SMARCC1: variants seen among roughly 807,000 people sequenced by gnomAD.
SMARCC1 encodes the protein SWI/SNF complex subunit SMARCC1.
Under a neutral mutation model 147.4 loss-of-function variants are expected in SMARCC1, and 43 were observed. The observed-to-expected ratio is 0.29, with a 90% CI of 0.23 to 0.38. The LOEUF (loss-of-function observed/expected upper bound fraction) is 0.38. Ranked by LOEUF, SMARCC1 falls within the 10% of genes least tolerant of loss-of-function variation. The pLI is 1.00. For missense variants in SMARCC1, 1,119 were observed against 1,381.1 expected, an observed-to-expected ratio of 0.81 and a Z score of 3.01; for synonymous variants, 495 against 484.4, an observed-to-expected ratio of 1.02 and a Z score of -0.29.
In SMARCC1 at chr3:47,735,753, A is replaced by T. The variant is rs1469565826; in HGVS notation, c.576+281T>A. ...TGGGCGACAGCGCGAGACTCTCTCA[A>T]CCACAACAACAAAAAAACTGGAAGA... is the stretch of plus-strand genomic sequence containing the variant. On this transcript the variant is annotated intron_variant, in intron 5 of 27. Coordinates refer to ENST00000254480, the MANE Select transcript of SMARCC1 (RefSeq NM_003074.4). Among the ~76,000 whole-genome samples, 3 of 152,052 alleles carry T rather than the reference A, an allele frequency of 2.0e-5. No homozygotes were observed. The South Asian group carries it at 6.2e-4, about 32-fold the overall frequency.
intron 5 of SMARCC1, among the ~76,000 whole-genome samples, chr3:47,732,608 G>A (rs1460309241): frequency 2.0e-5 from 3 of 152,054 alleles, no homozygotes; most frequent in Non-Finnish European, 4.4e-5. Context: ...GTTATTAATT[G>A]GCTTAATTTT....
In SMARCC1 at chr3:47,680,427, C is replaced by T. The variant is rs372919803; in HGVS notation, c.1457+10G>A. ...GCAAATAAACAAGTTTTCTAAAACA[C>T]TGGCCTCACATTTCTGGAGTCTTGG... On this transcript the variant is annotated intron_variant, in intron 15 of 27. Coordinates refer to ENST00000254480, the MANE Select transcript of SMARCC1 (RefSeq NM_003074.4). The T allele has an allele frequency of 2.7e-5, 43 of 1,601,042 alleles. No homozygotes were observed. The highest frequency in any genetic ancestry group is 3.5e-5 in the Non-Finnish European group (41 of 1,170,020).
chr3:47,725,959 G>A (rs557572599), intron 6 of SMARCC1, among the ~76,000 whole-genome samples: 1 of 150,342 alleles, frequency 6.7e-6, no homozygotes, highest in Admixed American at 6.7e-5. Flanking sequence ...CTACTCAGGA[G>A]GCTGAGGCAG....
chr3:47,604,606 G>GA lies in SMARCC1; in HGVS notation c.3043+5459dup, dbSNP rs757134485. 8 of 264,720 alleles carry GA rather than the reference G, an allele frequency of 3.0e-5. 1 individual carries two copies. The Admixed American group carries it at 3.5e-4, about 12-fold the overall frequency. 16.4% of individuals were successfully genotyped at this position (264,720 alleles called of 1,614,324 possible). The stretch of plus-strand genomic sequence containing the variant: ...CCTGGTTTGAAAGTCCTTTTTAGCT[G>GA]ACCTTTAGAATATGGTCTATCAGAC... On this transcript the variant is annotated intron_variant, in intron 26 of 27. Coordinates refer to ENST00000254480, the MANE Select transcript of SMARCC1 (RefSeq NM_003074.4).
chr3:47,771,679 G>A (rs964076330), intron 2 of SMARCC1, among the ~76,000 whole-genome samples: 7 of 152,142 alleles, frequency 4.6e-5, no homozygotes, highest in Non-Finnish European at 7.3e-5. Flanking sequence ...GGGAGGCAGA[G>A]GTTGCAGTGA....
intron 12 of SMARCC1, among the ~76,000 whole-genome samples, chr3:47,692,819 G>C (rs191890224): frequency 1.3e-5 from 2 of 152,028 alleles, no homozygotes; most frequent in Non-Finnish European, 2.9e-5. Flanking sequence ...TCAGGAGTTC[G>C]AGACAGGCCT....
rs533185829 is a variant in SMARCC1, at chr3:47,626,895, G to GA, written c.2647-4555dup. Among the ~76,000 whole-genome samples the GA allele has an allele frequency of 7.9e-5, 12 of 152,152 alleles. No individual in the cohort carries two copies. The East Asian group carries it at 9.7e-4, about 12-fold the overall frequency. On this transcript the variant is annotated intron_variant, in intron 24 of 27. Coordinates refer to ENST00000254480, the MANE Select transcript of SMARCC1 (RefSeq NM_003074.4). ...GGAAATTCTGAGACTACATGGAGTG[G>GA]AAAAAAACCTCAGTTACCCCTGTCA... is the stretch of plus-strand genomic sequence containing the variant.
intron 2 of SMARCC1, among the ~76,000 whole-genome samples, chr3:47,765,900 T>C (rs1449022491): frequency 6.6e-6 from 1 of 151,874 alleles, no homozygotes; most frequent in Non-Finnish European, 1.5e-5. Context: ...ACCCGGGTAA[T>C]TTTTGTATTT....
intron 27 of SMARCC1, among the ~76,000 whole-genome samples, chr3:47,590,102 A>G (rs2032152007): frequency 6.6e-6 from 1 of 152,216 alleles, no homozygotes; most frequent in South Asian, 2.1e-4. Context: ...GCCTCAGACA[A>G]GTATCACTTA....
chr3:47,774,708 C>A (rs543961996), intron 1 of SMARCC1, among the ~76,000 whole-genome samples: 1 of 152,146 alleles, frequency 6.6e-6, no homozygotes, highest in Admixed American at 6.6e-5. Context: ...TGTGCCCAGC[C>A]AATTTTAAAA....
intron 25 of SMARCC1, among the ~76,000 whole-genome samples, chr3:47,617,248 C>A (rs1015055975): frequency 2.6e-5 from 4 of 152,232 alleles, no homozygotes; most frequent in Non-Finnish European, 4.4e-5. Context: ...AAGCTCCAGT[C>A]TGGAATGTAA....
chr3:47,699,663 T>G (rs1305882699), intron 11 of SMARCC1, among the ~76,000 whole-genome samples: 2 of 152,108 alleles, frequency 1.3e-5, no homozygotes, highest in African/African-American at 4.8e-5. Context: ...CATGTATATA[T>G]CTATGTATAT....
chr3:47,654,029 AC>A (rs2033226493), intron 21 of SMARCC1, among the ~76,000 whole-genome samples: 1 of 152,228 alleles, frequency 6.6e-6, no homozygotes, highest in African/African-American at 2.4e-5. Context: ...TTGTTTCAAA[AC>A]CCACTAAACT....
At chr3:47,730,492 A>G (rs1289051380) in intron 5 of SMARCC1, among the ~76,000 whole-genome samples, 1 of 152,214 alleles carries the variant, frequency 6.6e-6, no homozygotes, top group Non-Finnish European at 1.5e-5. Flanking sequence ...CTCTCAAAAC[A>G]AAAATCAAAA....
At chr3:47,734,885 G>T (rs535189438) in intron 5 of SMARCC1, among the ~76,000 whole-genome samples, 1 of 152,158 alleles carries the variant, frequency 6.6e-6, no homozygotes, top group Non-Finnish European at 1.5e-5. Context: ...AGCCTCCCCA[G>T]TAGCTGGGAC....
intron 1 of SMARCC1, among the ~76,000 whole-genome samples, chr3:47,778,578 A>T (rs993420794): frequency 1.3e-5 from 2 of 152,214 alleles, no homozygotes; most frequent in African/African-American, 4.8e-5. Context: ...TGGAATTCCC[A>T]AGTGCTGGGA....
chr3:47,693,095 A>G, intron 12 of SMARCC1, 146 bp downstream of exon 12: 2 of 616,422 alleles, frequency 3.2e-6, no homozygotes, highest in East Asian at 2.8e-5. Context: ...GCTGGAGCCC[A>G]GAAGTTTAAA....
chr3:47,648,523 A>G (rs955307660), intron 21 of SMARCC1, among the ~76,000 whole-genome samples: 1 of 152,022 alleles, frequency 6.6e-6, no homozygotes, highest in East Asian at 1.9e-4. Context: ...AGTAGCTGGG[A>G]CAACAAGTGT....
intron 25 of SMARCC1, among the ~76,000 whole-genome samples, chr3:47,621,165 T>G (rs1330490531): frequency 6.6e-6 from 1 of 152,000 alleles, no homozygotes; most frequent in Admixed American, 6.5e-5. Flanking sequence ...CTGGGCGTGG[T>G]GGCGTGCGCC....
Sources: allele counts gnomAD v4.1 joint callset (sites outside exome capture counted in the v4.1 genomes callset), GRCh38; gene constraint gnomAD v4.1.1; transcripts MANE v1.5; gene names NCBI Gene and HGNC (gene_info 2026-07-23, HGNC 2026-07-21).